TASP1: variants seen among roughly 807,000 people sequenced by gnomAD.
TASP1 encodes the protein threonine aspartase 1.
TASP1 carries 16 observed loss-of-function variants against 56.6 expected under a neutral mutation model. That is an observed-to-expected ratio of 0.28 (90% CI 0.19 to 0.43). TASP1 has a LOEUF of 0.43. Ranked by LOEUF, TASP1 falls within the 20% of genes least tolerant of loss-of-function variation. The probability of loss-of-function intolerance (pLI) is 1.00; values close to 1 mark genes in which losing one functional copy is unlikely to be tolerated. For missense variants in TASP1, 393 were observed against 511.6 expected, an observed-to-expected ratio of 0.77 and a Z score of 2.24; for synonymous variants, 179 against 184.2, an observed-to-expected ratio of 0.97 and a Z score of 0.23.
chr20:13,376,799 T>C, the TASP1 span, among the ~76,000 whole-genome samples: 1 of 152,196 alleles, frequency 6.6e-6, no homozygotes, highest in Non-Finnish European at 1.5e-5. Context: ...TTCACAACCC[T>C]TGTAAGTTGT....
the TASP1 span, among the ~76,000 whole-genome samples, chr20:13,220,230 TC>T: frequency 1.3e-5 from 2 of 152,160 alleles, no homozygotes; most frequent in Non-Finnish European, 2.9e-5. Flanking sequence ...CGTCCGCTAC[TC>T]CGAGTCACTT....
At chr20:13,546,060 C>T (rs186379750) in intron 8 of TASP1, among the ~76,000 whole-genome samples, 9 of 152,148 alleles carry the variant, frequency 5.9e-5, no homozygotes, top group African/African-American at 1.4e-4. Flanking sequence ...TTAATTCCTT[C>T]GGATCAAATA....
chr20:13,433,989 G>C (rs1371767924), intron 12 of TASP1, among the ~76,000 whole-genome samples: 1 of 152,020 alleles, frequency 6.6e-6, no homozygotes, highest in Non-Finnish European at 1.5e-5. Context: ...CTGAAGATTA[G>C]ACACAAGTGA....
At chr20:13,357,377 G>T in the TASP1 span, among the ~76,000 whole-genome samples, 3 of 152,042 alleles carry the variant, frequency 2.0e-5, no homozygotes, top group African/African-American at 2.4e-5. Context: ...TTATCTTCAG[G>T]ATCAGATAAC....
chr20:13,144,975 C>T, the TASP1 span, among the ~76,000 whole-genome samples: 1 of 152,188 alleles, frequency 6.6e-6, no homozygotes, highest in Admixed American at 6.5e-5. Context: ...CAGGGTTTCA[C>T]CATGTTAGCC....
rs886989032 is a variant in TASP1, at chr20:13,572,911, C to T, written c.489-3325G>A. ...ATGTGTAATTTAGTGGTTCAGAAAG[C>T]GCTCAAGGATCTTCAGGAACCCCCG... On this transcript the variant is annotated intron_variant, in intron 6 of 13. Coordinates refer to ENST00000337743, the MANE Select transcript of TASP1 (RefSeq NM_017714.3). Among the ~76,000 whole-genome samples the T allele has an allele frequency of 3.9e-5, 6 of 152,064 alleles. No homozygotes were observed. In the East Asian group the frequency reaches 5.8e-4, roughly 15 times the overall value.
At chr20:13,310,746 T>C in the TASP1 span, among the ~76,000 whole-genome samples, 3 of 152,152 alleles carry the variant, frequency 2.0e-5, no homozygotes, top group Admixed American at 6.5e-5. Flanking sequence ...GATTAAAAAG[T>C]GAGCAAAGGA....
intron 10 of TASP1, among the ~76,000 whole-genome samples, chr20:13,527,619 C>T (rs765243892): frequency 5.9e-5 from 9 of 152,008 alleles, no homozygotes; most frequent in East Asian, 1.9e-4. Flanking sequence ...CACGCACGCA[C>T]GCACACACAC....
chr20:13,524,663 T>G (rs1293324830), intron 10 of TASP1, among the ~76,000 whole-genome samples: 1 of 152,196 alleles, frequency 6.6e-6, no homozygotes, highest in African/African-American at 2.4e-5. Context: ...GCTTTTACTA[T>G]AATTTATCAA....
chr20:13,432,377 C>T (rs1038305387), intron 12 of TASP1, among the ~76,000 whole-genome samples: 1 of 152,090 alleles, frequency 6.6e-6, no homozygotes, highest in African/African-American at 2.4e-5. Context: ...GAACCAAAGA[C>T]TGACTGGTGG....
chr20:13,630,772 C>A (rs1206100855), intron 1 of TASP1, among the ~76,000 whole-genome samples: 1 of 150,698 alleles, frequency 6.6e-6, no homozygotes, highest in Non-Finnish European at 1.5e-5. Flanking sequence ...GCTGCCTATT[C>A]CAAAATAAAA....
At chr20:13,204,835 C>T in the TASP1 span, among the ~76,000 whole-genome samples, 5 of 152,252 alleles carry the variant, frequency 3.3e-5, no homozygotes, top group East Asian at 1.9e-4. Flanking sequence ...GCTAGGGCCA[C>T]GTGCACCAGC....
the TASP1 span, among the ~76,000 whole-genome samples, chr20:13,292,930 G>T: frequency 6.6e-6 from 1 of 152,056 alleles, no homozygotes; most frequent in African/African-American, 2.4e-5. Context: ...GGCGCGGTGG[G>T]TCATGCCTAT....
At chr20:13,634,017 G>A (rs558469359) in intron 1 of TASP1, among the ~76,000 whole-genome samples, 1 of 152,252 alleles carries the variant, frequency 6.6e-6, no homozygotes, top group South Asian at 2.1e-4. Flanking sequence ...ACAGAGTTAT[G>A]CTATGACCCA....
chr20:13,356,479 TG>T, the TASP1 span, among the ~76,000 whole-genome samples: 1 of 152,246 alleles, frequency 6.6e-6, no homozygotes, highest in African/African-American at 2.4e-5. Context: ...ATGACTTTAC[TG>T]TTTATTCCAG....
the TASP1 span, among the ~76,000 whole-genome samples, chr20:13,330,660 A>C: frequency 6.6e-6 from 1 of 152,196 alleles, no homozygotes; most frequent in Non-Finnish European, 1.5e-5. Flanking sequence ...CCTTTTGTGG[A>C]AGATTTTAAA....
intron 13 of TASP1, among the ~76,000 whole-genome samples, chr20:13,410,709 G>C (rs998324617): frequency 6.6e-6 from 1 of 151,868 alleles, no homozygotes; most frequent in Non-Finnish European, 1.5e-5. Flanking sequence ...TTGAGTTCTT[G>C]TATATTCTGA....
the TASP1 span, among the ~76,000 whole-genome samples, chr20:13,277,723 G>C: frequency 2.6e-5 from 4 of 151,708 alleles, no homozygotes; most frequent in African/African-American, 9.7e-5. Context: ...TACAAGACTG[G>C]AGTAAGGGTG....
At chr20:13,616,064 A>C (rs1323068030) in intron 4 of TASP1, among the ~76,000 whole-genome samples, 1 of 151,946 alleles carries the variant, frequency 6.6e-6, no homozygotes, top group Non-Finnish European at 1.5e-5. Context: ...GATCCAAACA[A>C]ACACAAATAC....
Sources: gnomAD v4.1 joint callset for allele counts (sites outside exome capture counted in the v4.1 genomes callset) on GRCh38, gnomAD v4.1.1 for gene constraint, MANE v1.5 for transcripts, NCBI Gene and HGNC (gene_info 2026-07-23, HGNC 2026-07-21) for gene names.